The following NCKAP5 variants were observed in gnomAD, a reference collection of about 807,000 sequenced individuals.
The protein encoded by NCKAP5 is NCK associated protein 5.
A neutral mutation model predicts 167.0 loss-of-function variants in NCKAP5; 92 were observed. The observed-to-expected ratio is 0.55, with a 90% CI of 0.47 to 0.66. The LOEUF (loss-of-function observed/expected upper bound fraction) is 0.66, where lower values mean the gene tolerates loss of function less well. NCKAP5 is among the 30% of genes least tolerant of loss of function. The pLI, the probability that NCKAP5 is intolerant of heterozygous loss-of-function variation, is 0.00. For synonymous variants in NCKAP5, 891 were observed against 877.4 expected, an observed-to-expected ratio of 1.02 and a Z score of -0.27; for missense variants, 2,378 against 2,315.0, an observed-to-expected ratio of 1.03 and a Z score of -0.56.
At chr2:133,365,552 T>C (rs981694229) in intron 3 of NCKAP5, among the ~76,000 whole-genome samples, 5 of 151,368 alleles carry the variant, frequency 3.3e-5, no homozygotes, top group African/African-American at 1.2e-4. Flanking sequence ...CACGTATATA[T>C]ACATAAAACA....
chr2:133,022,342 G>A (rs1559059766), intron 6 of NCKAP5, among the ~76,000 whole-genome samples: 1 of 152,184 alleles, frequency 6.6e-6, no homozygotes, highest in Non-Finnish European at 1.5e-5. Flanking sequence ...GAAGAAGGCT[G>A]CTCATTATAG....
In NCKAP5 at chr2:133,078,930, G is replaced by A. The variant is rs114916822; in HGVS notation, c.341+51048C>T. On this transcript the variant is annotated intron_variant, in intron 6 of 19. Transcript: ENST00000409261. ...ACAGCATGCTTTTCATATTTTATAT[G>A]AGATGAAAGAGAGAAGGAAGACATG... Among the ~76,000 whole-genome samples, 607 of 152,258 alleles carry A rather than the reference G, an allele frequency of 4.0e-3. 5 individuals are homozygous for A. The highest frequency in any genetic ancestry group is 0.014 in the African/African-American group (585 of 41,556).
chr2:133,153,928 CA>C (rs985742760), intron 5 of NCKAP5, among the ~76,000 whole-genome samples: 1 of 151,166 alleles, frequency 6.6e-6, no homozygotes, highest in African/African-American at 2.4e-5. Flanking sequence ...CTCCTCCCCC[CA>C]AGAAGGGTTC....
At chr2:133,265,208 A>G (rs1012679615) in intron 4 of NCKAP5, 7 of 152,242 alleles carry the variant, frequency 4.6e-5, no homozygotes, top group Non-Finnish European at 1.0e-4. Context: ...GGATGAAAAT[A>G]AAAAGGGAAG....
intron 11 of NCKAP5, among the ~76,000 whole-genome samples, chr2:132,848,598 T>G (rs572183690): frequency 4.3e-4 from 65 of 152,356 alleles, no homozygotes; most frequent in African/African-American, 1.6e-3. Context: ...AAATATGATT[T>G]TGAAGACATG....
At chr2:133,438,533 A>T (rs942412626) in intron 3 of NCKAP5, among the ~76,000 whole-genome samples, 8 of 152,240 alleles carry the variant, frequency 5.3e-5, no homozygotes, top group African/African-American at 1.9e-4. Flanking sequence ...CGCATAAAGT[A>T]TAATAAGAGA....
chr2:133,233,868 A>G (rs1367934440), intron 4 of NCKAP5, among the ~76,000 whole-genome samples: 1 of 152,154 alleles, frequency 6.6e-6, no homozygotes, highest in African/African-American at 2.4e-5. Flanking sequence ...CCTTCTCCCC[A>G]CATACCTACA....
intron 1 of NCKAP5, among the ~76,000 whole-genome samples, chr2:133,560,384 T>A (rs1688071392): frequency 6.6e-6 from 1 of 152,152 alleles, no homozygotes; most frequent in African/African-American, 2.4e-5. Flanking sequence ...ACAGCCTAGA[T>A]GGGGAGATGT....
At chr2:133,133,413 C>T (rs921472322) in intron 5 of NCKAP5, among the ~76,000 whole-genome samples, 1 of 152,184 alleles carries the variant, frequency 6.6e-6, no homozygotes, top group African/African-American at 2.4e-5. Flanking sequence ...GCTCCATGTT[C>T]GTCACCTCTT....
At chr2:132,741,887 G>T (rs548913512) in intron 16 of NCKAP5, among the ~76,000 whole-genome samples, 1 of 152,044 alleles carries the variant, frequency 6.6e-6, no homozygotes, top group Non-Finnish European at 1.5e-5. Flanking sequence ...CTATCTGTTG[G>T]TATCTCCTTT....
intron 1 of NCKAP5, among the ~76,000 whole-genome samples, chr2:133,562,073 T>C (rs1688197597): frequency 6.6e-6 from 1 of 151,572 alleles, no homozygotes; most frequent in Non-Finnish European, 1.5e-5. Context: ...TAATCTACCA[T>C]AATAATAAAG....
chr2:132,884,675 T>C (rs1351945249), intron 8 of NCKAP5, among the ~76,000 whole-genome samples: 1 of 152,184 alleles, frequency 6.6e-6, no homozygotes, highest in African/African-American at 2.4e-5. Context: ...AATTTACCTT[T>C]TGTGGAGTCT....
intron 6 of NCKAP5, among the ~76,000 whole-genome samples, chr2:133,067,108 T>G (rs148120838): frequency 0.013 from 2,023 of 152,174 alleles, 44 homozygotes; most frequent in African/African-American, 0.046. Flanking sequence ...TTCATGATCC[T>G]CCCGCCTCAG....
intron 3 of NCKAP5, among the ~76,000 whole-genome samples, chr2:133,402,628 C>A (rs902588019): frequency 6.6e-6 from 1 of 152,064 alleles, no homozygotes; most frequent in Non-Finnish European, 1.5e-5. Flanking sequence ...TGAGTGAGTT[C>A]TCATTCTGAG....
intron 4 of NCKAP5, among the ~76,000 whole-genome samples, chr2:133,232,002 G>T (rs1356937434): frequency 2.0e-5 from 3 of 152,196 alleles, no homozygotes; most frequent in African/African-American, 7.2e-5. Context: ...CACTTTTTAA[G>T]TGTATAATGA....
At chr2:133,063,103 G>C (rs1159831994) in intron 6 of NCKAP5, among the ~76,000 whole-genome samples, 1 of 152,116 alleles carries the variant, frequency 6.6e-6, no homozygotes, top group African/African-American at 2.4e-5. Flanking sequence ...GCAAAGCAAG[G>C]TTGATGCAAT....
chr2:133,624,580 T>C, the NCKAP5 span, among the ~76,000 whole-genome samples: 1 of 152,162 alleles, frequency 6.6e-6, no homozygotes, highest in East Asian at 1.9e-4. Flanking sequence ...AATTAAGGCA[T>C]TAAAAGGCTC....
chr2:133,210,032 G>A (rs2086134994), intron 5 of NCKAP5, among the ~76,000 whole-genome samples: 2 of 151,894 alleles, frequency 1.3e-5, no homozygotes, highest in Non-Finnish European at 2.9e-5. Flanking sequence ...GGGTGTGGTG[G>A]TGAGCACTTA....
At chr2:133,340,632 C>G (rs571658434) in intron 3 of NCKAP5, among the ~76,000 whole-genome samples, 2 of 152,200 alleles carry the variant, frequency 1.3e-5, no homozygotes, top group East Asian at 3.9e-4. Flanking sequence ...AACAAGTTGA[C>G]AAGCCAAGAA....
Sources: allele counts gnomAD v4.1 joint callset (sites outside exome capture counted in the v4.1 genomes callset), GRCh38; gene constraint gnomAD v4.1.1; transcripts MANE v1.5; gene names NCBI Gene and HGNC (gene_info 2026-07-23, HGNC 2026-07-21).